The following PAPLN variants were observed in gnomAD, a reference collection of about 807,000 sequenced individuals.
The protein encoded by PAPLN is papilin, proteoglycan like sulfated glycoprotein, also known as papilin.
PAPLN carries 146 observed loss-of-function variants against 159.0 expected under a neutral mutation model. That is an observed-to-expected ratio of 0.92 (90% CI 0.80 to 1.05). The LOEUF is 1.05. Ranked by LOEUF, PAPLN falls within the 50% of genes least tolerant of loss-of-function variation. PAPLN has a pLI of 0.00. For missense variants in PAPLN, 1,720 were observed against 1,743.9 expected (o/e 0.99, Z 0.24); for synonymous variants, 734 against 702.9 (o/e 1.04, Z -0.70).
intron 2 of PAPLN, 126 bp from the exon 3 acceptor site, chr14:73,244,518 C>G (rs1183373631): frequency 9.3e-6 from 7 of 753,272 alleles, no homozygotes; most frequent in Non-Finnish European, 1.6e-5. Flanking sequence ...TAAAGGTGGG[C>G]CCTGGAAGGG....
In PAPLN at chr14:73,273,638, C is replaced by A. The variant is rs1056158275; in HGVS notation, c.*974C>A. On this transcript the variant is annotated 3_prime_UTR_variant, in exon 27 of 27. Coordinates refer to ENST00000644200, the MANE Select transcript of PAPLN (RefSeq NM_001365906.3). Reference sequence around the variant, plus strand: ...TGTCAGGGTTCCACTTAATTTAAAGCTGGGCAGGGAGATGTGTAATGATTT... The same window carrying A: ...TGTCAGGGTTCCACTTAATTTAAAGATGGGCAGGGAGATGTGTAATGATTT... 1 of 152,176 alleles carries A rather than the reference C, an allele frequency of 6.6e-6. No individual in the cohort carries two copies. Among genetic ancestry groups the A allele is most frequent in the Non-Finnish European group, 1.5e-5 (1 of 68,046 alleles). The allele number at this position is 152,176 out of a possible 1,614,324, so 9.4% of individuals were successfully genotyped here.
chr14:73,272,365 T>TA, intron 26 of PAPLN, 130 bp from the exon 27 acceptor site: 1 of 828,476 alleles, frequency 1.2e-6, no homozygotes, highest in Non-Finnish European at 1.8e-6. Context: ...GGTTACAGGG[T>TA]AAGTGCACTT....
At chr14:73,239,306 A>G (rs935499917) in intron 1 of PAPLN, among the ~76,000 whole-genome samples, 3 of 152,238 alleles carry the variant, frequency 2.0e-5, no homozygotes, top group Admixed American at 1.3e-4. Context: ...ATGGGCTACA[A>G]TTAACACTTT....
At chr14:73,255,101 G>A in intron 14 of PAPLN, 83 bp downstream of exon 14, 2 of 1,511,348 alleles carry the variant, frequency 1.3e-6, no homozygotes, top group South Asian at 2.5e-5. Context: ...TCCTGCCTCG[G>A]GGCCTCTGCC....
chr14:73,258,618 TAAAAAAA>T (rs57126237), intron 14 of PAPLN, among the ~76,000 whole-genome samples: 1 of 75,788 alleles, frequency 1.3e-5, no homozygotes, highest in South Asian at 5.1e-4. Context: ...ACCCTATCTC[TAAAAAAA>T]AAAAAAAAAA....
chr14:73,265,537 A>G lies in PAPLN; in HGVS notation c.3263+30A>G, dbSNP rs764024778. On this transcript the variant is annotated intron_variant, in intron 23 of 26. Coordinates refer to ENST00000644200, the MANE Select transcript of PAPLN (RefSeq NM_001365906.3). The surrounding 1 kb of genome is among the most constrained non-coding windows in gnomAD (Gnocchi z 4.1). Reference sequence around the variant, plus strand: ...ATTTGACTCCTCTCCCCTTCCTCCTATTCTGCCTCCAGCCCCACCTTATCC... The same window carrying G: ...ATTTGACTCCTCTCCCCTTCCTCCTGTTCTGCCTCCAGCCCCACCTTATCC... 195 of 1,607,768 alleles carry G rather than the reference A, an allele frequency of 1.2e-4. No homozygotes were observed. The highest frequency in any genetic ancestry group is 1.7e-4 in the Admixed American group (10 of 59,724).
In PAPLN at chr14:73,245,741, C is replaced by T; in HGVS notation, c.231+45C>T. The T allele has an allele frequency of 6.5e-7, 1 of 1,532,898 alleles. No individual in the cohort carries two copies. The highest frequency in any genetic ancestry group is 8.7e-7 in the Non-Finnish European group (1 of 1,143,836). 95.0% of individuals were successfully genotyped at this position (1,532,898 alleles called of 1,614,324 possible). A position where few individuals can be genotyped will look rare whatever the true frequency, so the allele number is the denominator to read the frequency against. ...GGCGAAGGCACCAGCTTCCCCAGCC[C>T]CTCCTGGCCGATTTCCCCATTGGGA... On this transcript the variant is annotated intron_variant, in intron 4 of 26. Transcript: ENST00000644200. The surrounding 1 kb of genome is among the most constrained non-coding windows in gnomAD (Gnocchi z 4.2).
At position 73,265,569 on chromosome 14, in the gene PAPLN, G is replaced by A. The variant is rs1334487193; in HGVS notation, c.3263+62G>A. ...CTCCAGCCCCACCTTATCCTATGGA[G>A]GCCACCGGGGAAGGGAGCTGCTAGC... On this transcript the variant is annotated intron_variant, in intron 23 of 26. Coordinates refer to ENST00000644200, the MANE Select transcript of PAPLN (RefSeq NM_001365906.3). This position sits in a 1 kb window ranked among gnomAD's most constrained non-coding sequence, Gnocchi z 4.1. 2.0e-5 allele frequency: 32 copies of A among 1,578,680 alleles called. No homozygotes were observed. The Admixed American group carries it at 5.5e-4, about 27-fold the overall frequency.
intron 26 of PAPLN, among the ~76,000 whole-genome samples, chr14:73,270,326 A>C (rs1887604703): frequency 6.6e-6 from 1 of 152,202 alleles, no homozygotes; most frequent in African/African-American, 2.4e-5. Flanking sequence ...GTGGCGCCCG[A>C]AAACTCGGAG....
chr14:73,252,076 G>T lies in PAPLN; in HGVS notation c.902G>T (p.Arg301Leu). Reference sequence around the variant, plus strand: ...TATGAGTACCACCTGCCCCTGCGCCGCCCCAGCCCCGGCTTCAGCTGGAGC... The same window carrying T: ...TATGAGTACCACCTGCCCCTGCGCCTCCCCAGCCCCGGCTTCAGCTGGAGC... ...VHYEYHLPLR[R>L]PSPGFSWSHG... Residue 301 changes from arginine (R) to leucine (L), a missense_variant, in exon 10 of 27, where the codon CGC (arginine) becomes CTC (leucine). Coordinates refer to ENST00000644200, the MANE Select transcript of PAPLN (RefSeq NM_001365906.3). 6.2e-7 allele frequency: 1 copy of T among 1,611,480 alleles called. No homozygotes were observed.
At position 73,245,427 on chromosome 14, in the gene PAPLN, G is replaced by A. The variant is rs1884110626; in HGVS notation, c.171-209G>A. 6.8e-6 allele frequency: 4 copies of A among 584,136 alleles called. No homozygotes were observed. The highest frequency in any genetic ancestry group is 9.1e-6 in the Non-Finnish European group (3 of 327,894). 36.2% of individuals were successfully genotyped at this position (584,136 alleles called of 1,614,324 possible). On this transcript the variant is annotated intron_variant, in intron 3 of 26. Transcript: ENST00000644200. This position sits in a 1 kb window ranked among gnomAD's most constrained non-coding sequence, Gnocchi z 4.2. Reference sequence around the variant, plus strand: ...CGCCTTAAATCCAAACTATAGGGTGGGTAGGGCTCTGAGTCCCGCTTCTCT... The same window carrying A: ...CGCCTTAAATCCAAACTATAGGGTGAGTAGGGCTCTGAGTCCCGCTTCTCT...
At chr14:73,249,894 AT>A (rs1885041747) in intron 5 of PAPLN, 89 bp from the exon 6 acceptor site, 2 of 1,425,874 alleles carry the variant, frequency 1.4e-6, no homozygotes, top group Non-Finnish European at 9.3e-7. Flanking sequence ...TTTCTGACCC[AT>A]GCTTTCCTGT....
At chr14:73,272,387 T>C (rs1763108461) in intron 26 of PAPLN, 108 bp from the exon 27 acceptor site, 1 of 1,096,134 alleles carries the variant, frequency 9.1e-7, no homozygotes, top group Non-Finnish European at 1.3e-6. Flanking sequence ...GTTTTCAATC[T>C]GGCAGTTATA....
At chr14:73,254,002 G>A (rs1227747045) in intron 12 of PAPLN, 41 bp downstream of exon 12, 8 of 1,572,752 alleles carry the variant, frequency 5.1e-6, no homozygotes, top group Non-Finnish European at 6.0e-6. Context: ...CTGGACCTGG[G>A]TAGCAGCAGG....
At chr14:73,260,113 G>A (rs1415618458) in intron 16 of PAPLN, among the ~76,000 whole-genome samples, 2 of 152,166 alleles carry the variant, frequency 1.3e-5, no homozygotes, top group African/African-American at 2.4e-5. Context: ...GACACTCACC[G>A]GCTATGTGCT....
chr14:73,252,553 G>GA, intron 10 of PAPLN, 96 bp from the exon 11 acceptor site: 1 of 1,468,742 alleles, frequency 6.8e-7, no homozygotes, highest in Non-Finnish European at 9.1e-7. Context: ...GAATGGGGAT[G>GA]ACCTGTGGGG....
chr14:73,236,167 A>G (rs1297567452), upstream of PAPLN, among the ~76,000 whole-genome samples: 1 of 152,196 alleles, frequency 6.6e-6, no homozygotes, highest in Non-Finnish European at 1.5e-5. Context: ...CCAGTTTCAA[A>G]AAAAGAATGG....
chr14:73,261,839 C>T (rs1594818633), intron 18 of PAPLN, among the ~76,000 whole-genome samples: 2 of 152,288 alleles, frequency 1.3e-5, no homozygotes, highest in East Asian at 1.9e-4. Context: ...AGAGATGGGT[C>T]AGGCCATGCT....
At chr14:73,260,855 A>T in intron 17 of PAPLN, 26 bp downstream of exon 17, 1 of 1,492,944 alleles carries the variant, frequency 6.7e-7, no homozygotes, top group Non-Finnish European at 8.9e-7. Flanking sequence ...GGGGGAGGGG[A>T]GCAGGGGGCC....
Sources: gnomAD v4.1 joint callset for allele counts (sites outside exome capture counted in the v4.1 genomes callset) on GRCh38, gnomAD v4.1.1 for gene constraint, Gnocchi (gnomAD v3.1) non-coding constraint, MANE v1.5 for transcripts, NCBI Gene and HGNC (gene_info 2026-07-23, HGNC 2026-07-21) for gene names.